Variants in AGBL4 observed in about 807,000 individuals in gnomAD.
AGBL4 encodes the protein cytosolic carboxypeptidase 6.
A neutral mutation model predicts 66.4 loss-of-function variants in AGBL4; 58 were observed. The ratio of observed to expected loss-of-function variants is 0.87; its 90% CI spans 0.71 to 1.09. The LOEUF (loss-of-function observed/expected upper bound fraction) is 1.09, where lower values mean the gene tolerates loss of function less well. Among genes scored for constraint, AGBL4 ranks in the 50% least tolerant of loss-of-function variants. The pLI is 0.00. For missense variants in AGBL4, 579 were observed against 631.0 expected, an observed-to-expected ratio of 0.92 and a Z score of 0.88; for synonymous variants, 234 against 222.9, an observed-to-expected ratio of 1.05 and a Z score of -0.44.
chr1:49,846,351 T>C (rs1456442081), intron 2 of AGBL4: 2 of 1,538,784 alleles, frequency 1.3e-6, no homozygotes, highest in East Asian at 4.5e-5. Context: ...GGAAAGACCT[T>C]TACACACAGC....
At chr1:49,979,719 T>C (rs2148381800) in intron 1 of AGBL4, among the ~76,000 whole-genome samples, 1 of 152,316 alleles carries the variant, frequency 6.6e-6, no homozygotes, top group East Asian at 1.9e-4. Context: ...CAGTAAAGCA[T>C]ATTGCATTAA....
At chr1:49,678,875 A>C (rs1005893723) in intron 3 of AGBL4, among the ~76,000 whole-genome samples, 3 of 152,084 alleles carry the variant, frequency 2.0e-5, no homozygotes, top group East Asian at 1.9e-4. Flanking sequence ...GGTGTATTTA[A>C]TGTCCCAGGA....
At chr1:49,700,197 T>A (rs1302882502) in intron 2 of AGBL4, among the ~76,000 whole-genome samples, 1 of 151,470 alleles carries the variant, frequency 6.6e-6, no homozygotes, top group Admixed American at 6.6e-5. Flanking sequence ...TATACTTATA[T>A]CAGACAACAT....
At chr1:49,091,917 AAGAAAT>A (rs1645011240) in intron 4 of AGBL4, among the ~76,000 whole-genome samples, 2 of 152,040 alleles carry the variant, frequency 1.3e-5, no homozygotes, top group African/African-American at 2.4e-5. Context: ...TCGAAGTATG[AAGAAAT>A]AACATAGGAA....
intron 1 of AGBL4, among the ~76,000 whole-genome samples, chr1:49,997,146 GA>G (rs1165578004): frequency 2.6e-5 from 4 of 151,660 alleles, no homozygotes; most frequent in East Asian, 1.9e-4. Flanking sequence ...ATAATATAAT[GA>G]AAAAAATGAG....
intron 6 of AGBL4, among the ~76,000 whole-genome samples, chr1:48,666,924 G>C (rs1449750918): frequency 6.6e-6 from 1 of 152,158 alleles, no homozygotes; most frequent in African/African-American, 2.4e-5. Context: ...ACTATTCTTA[G>C]ACTAGACTCT....
intron 3 of AGBL4, among the ~76,000 whole-genome samples, chr1:49,256,415 A>C (rs1652507933): frequency 6.6e-6 from 1 of 152,196 alleles, no homozygotes; most frequent in Admixed American, 6.5e-5. Context: ...TTAGAAAATA[A>C]AATTTTATTG....
rs1013055238 is a variant in AGBL4, at chr1:50,017,335, A to C, written c.34+6428T>G. Reference sequence around the variant, plus strand: ...CCAAGGAACTTCTCTAATATCTGGCATACTTCTCCTTACATGACAAAAACT... The same window carrying C: ...CCAAGGAACTTCTCTAATATCTGGCCTACTTCTCCTTACATGACAAAAACT... On this transcript the variant is annotated intron_variant, in intron 1 of 13. Transcript: ENST00000371839. 6 of 152,210 alleles carry C rather than the reference A, an allele frequency of 3.9e-5. No homozygotes were observed. In the South Asian group the frequency reaches 1.2e-3, roughly 32 times the overall value. The allele number at this position is 152,210 out of a possible 1,614,324, so 9.4% of individuals were successfully genotyped here. A position where few individuals can be genotyped will look rare whatever the true frequency, so the allele number is the denominator to read the frequency against.
chr1:49,227,546 T>G (rs1315851964), intron 4 of AGBL4, among the ~76,000 whole-genome samples: 1 of 152,176 alleles, frequency 6.6e-6, no homozygotes, highest in East Asian at 1.9e-4. Flanking sequence ...GTCAAACAGC[T>G]TGCAAGTTGG....
At chr1:48,953,847 G>C (rs1657204937) in intron 5 of AGBL4, among the ~76,000 whole-genome samples, 1 of 152,176 alleles carries the variant, frequency 6.6e-6, no homozygotes, top group South Asian at 2.1e-4. Flanking sequence ...CTCAGAGCAG[G>C]AACAACGTGC....
At chr1:48,801,209 G>A (rs137863057) in intron 6 of AGBL4, among the ~76,000 whole-genome samples, 65 of 152,204 alleles carry the variant, frequency 4.3e-4, no homozygotes, top group African/African-American at 1.5e-3. Context: ...GGCAGCCCAC[G>A]TGCAGGGCTT....
chr1:49,517,046 C>T (rs994201585), intron 3 of AGBL4, among the ~76,000 whole-genome samples: 1 of 151,878 alleles, frequency 6.6e-6, no homozygotes, highest in Non-Finnish European at 1.5e-5. Flanking sequence ...TGCATGGACA[C>T]CTAATCTCGA....
At chr1:49,795,858 A>G (rs1403734292) in intron 2 of AGBL4, among the ~76,000 whole-genome samples, 1 of 152,050 alleles carries the variant, frequency 6.6e-6, no homozygotes, top group African/African-American at 2.4e-5. Context: ...CTAGAAGAAA[A>G]CTTGAGTAAA....
At chr1:48,881,031 A>C (rs886438533) in intron 5 of AGBL4, among the ~76,000 whole-genome samples, 2 of 152,314 alleles carry the variant, frequency 1.3e-5, no homozygotes, top group African/African-American at 4.8e-5. Context: ...AAATGACATC[A>C]CATAAAACAT....
At chr1:49,907,770 T>A (rs1650420215) in intron 1 of AGBL4, among the ~76,000 whole-genome samples, 1 of 152,046 alleles carries the variant, frequency 6.6e-6, no homozygotes, top group Non-Finnish European at 1.5e-5. Context: ...TTGCCCAAAC[T>A]CATAAACTGT....
intron 6 of AGBL4, among the ~76,000 whole-genome samples, chr1:48,699,103 A>G (rs991358595): frequency 5.3e-5 from 8 of 152,158 alleles, no homozygotes; most frequent in African/African-American, 1.9e-4. Flanking sequence ...TTCTGGTCCT[A>G]CAGCCAGACA....
intron 5 of AGBL4, among the ~76,000 whole-genome samples, chr1:48,922,452 T>C (rs934033938): frequency 6.6e-5 from 10 of 152,142 alleles, no homozygotes; most frequent in African/African-American, 2.4e-4. Flanking sequence ...CCCATCTCTG[T>C]CTGGTCTGGC....
At chr1:49,666,794 C>T (rs1483438489) in intron 3 of AGBL4, among the ~76,000 whole-genome samples, 1 of 151,990 alleles carries the variant, frequency 6.6e-6, no homozygotes, top group East Asian at 1.9e-4. Context: ...CCATTACCAT[C>T]CTTATTTTAT....
At chr1:49,021,022 T>C (rs922056800) in intron 5 of AGBL4, among the ~76,000 whole-genome samples, 6 of 152,300 alleles carry the variant, frequency 3.9e-5, no homozygotes, top group African/African-American at 1.4e-4. Flanking sequence ...AGACACAATA[T>C]TGCACTGCCC....
Sources: allele counts gnomAD v4.1 joint callset (sites outside exome capture counted in the v4.1 genomes callset), GRCh38; gene constraint gnomAD v4.1.1; transcripts MANE v1.5; gene names NCBI Gene and HGNC (gene_info 2026-07-23, HGNC 2026-07-21).